MORN1: variants seen among roughly 807,000 people sequenced by gnomAD.
The protein encoded by MORN1 is MORN repeat-containing protein 1.
In MORN1, 67 loss-of-function variants were observed where a neutral mutation model predicts 61.9. The ratio of observed to expected loss-of-function variants is 1.08; its 90% confidence interval spans 0.89 to 1.33. MORN1 has a LOEUF of 1.33. MORN1 is among the 40% of genes most tolerant of loss of function. The probability of loss-of-function intolerance (pLI) is 0.00; values close to 1 mark genes in which losing one functional copy is unlikely to be tolerated. For synonymous variants in MORN1, 301 were observed against 292.0 expected (o/e 1.03, Z -0.31); for missense variants, 752 against 691.2 (o/e 1.09, Z -0.99).
At chr1:2,335,112 C>T (rs921722582) in intron 12 of MORN1, among the ~76,000 whole-genome samples, 13 of 152,234 alleles carry the variant, frequency 8.5e-5, no homozygotes, top group African/African-American at 2.9e-4. Flanking sequence ...TGACTCAGAG[C>T]CGGACAGAGG....
intron 10 of MORN1, among the ~76,000 whole-genome samples, chr1:2,349,778 G>A (rs890932203): frequency 1.3e-5 from 2 of 152,074 alleles, no homozygotes; most frequent in African/African-American, 4.8e-5. Context: ...TTACAATCAC[G>A]ATTGATTCTT....
At chr1:2,354,745 T>A (rs1369246290) in intron 10 of MORN1, among the ~76,000 whole-genome samples, 1 of 152,132 alleles carries the variant, frequency 6.6e-6, no homozygotes, top group East Asian at 1.9e-4. Flanking sequence ...TTGCCCTCCC[T>A]TTATGGATGA....
chr1:2,385,717 A>G (rs1244759995), intron 5 of MORN1, 90 bp downstream of exon 5: 17 of 1,198,960 alleles, frequency 1.4e-5, no homozygotes, highest in Non-Finnish European at 2.0e-5. Flanking sequence ...GTCCCATGGC[A>G]GTCCTGTCTA....
At chr1:2,353,313 A>T (rs1483694633) in intron 10 of MORN1, among the ~76,000 whole-genome samples, 2 of 152,338 alleles carry the variant, frequency 1.3e-5, no homozygotes, top group East Asian at 3.9e-4. Context: ...TTCTTTCAGG[A>T]TGATGGCTAA....
At chr1:2,339,011 C>T (rs969604088) in intron 10 of MORN1, among the ~76,000 whole-genome samples, 2 of 152,168 alleles carry the variant, frequency 1.3e-5, no homozygotes, top group Non-Finnish European at 2.9e-5. Flanking sequence ...AAGCCGGGTT[C>T]CTTGAGCCTG....
At chr1:2,348,493 G>A (rs1274602272) in intron 10 of MORN1, among the ~76,000 whole-genome samples, 1 of 152,158 alleles carries the variant, frequency 6.6e-6, no homozygotes, top group African/African-American at 2.4e-5. Context: ...AGGGAACCCC[G>A]GTTCTTTTCA....
intron 10 of MORN1, among the ~76,000 whole-genome samples, chr1:2,347,516 C>T (rs919499880): frequency 2.6e-5 from 4 of 152,148 alleles, no homozygotes; most frequent in African/African-American, 9.7e-5. Context: ...GCAGAGGCGC[C>T]CCCAGGCCCA....
chr1:2,385,607 G>A (rs910349566), intron 5 of MORN1, 200 bp downstream of exon 5: 1 of 507,700 alleles, frequency 2.0e-6, no homozygotes, highest in Non-Finnish European at 3.5e-6. Flanking sequence ...ATAAACAAGG[G>A]GAAAATTACA....
intron 10 of MORN1, among the ~76,000 whole-genome samples, chr1:2,341,020 C>T (rs1367789597): frequency 1.3e-5 from 2 of 152,264 alleles, no homozygotes; most frequent in East Asian, 1.9e-4. Flanking sequence ...TGCACGTCTC[C>T]ACCCGGCCCC....
chr1:2,365,841 G>A (rs1171954276), intron 8 of MORN1, among the ~76,000 whole-genome samples: 23 of 151,032 alleles, frequency 1.5e-4, no homozygotes, highest in African/African-American at 4.4e-4. Context: ...GTGCTGGAGA[G>A]GATGTGGAGA....
At chr1:2,361,428 C>A (rs1417020283) in intron 8 of MORN1, among the ~76,000 whole-genome samples, 1 of 151,934 alleles carries the variant, frequency 6.6e-6, no homozygotes, top group African/African-American at 2.4e-5. Context: ...TGTGGTGGCA[C>A]GTGTCTGTCA....
rs139370770 is a variant in MORN1 at position 2,351,614 on chromosome 1, G to A, written c.1036+5818C>T. 724 of 294,956 alleles carry A rather than the reference G, an allele frequency of 2.5e-3. 7 individuals carry two copies. Among genetic ancestry groups the A allele is most frequent in the African/African-American group, 0.016 (691 of 44,200 alleles). The allele number at this position is 294,956 out of a possible 1,614,324, so 18.3% of individuals were successfully genotyped here. A position where few individuals can be genotyped will look rare whatever the true frequency, so the allele number is the denominator to read the frequency against. On this transcript the variant is annotated intron_variant, in intron 10 of 13. Transcript: ENST00000378531. Reference sequence around the variant, plus strand: ...TGTAACCAAGCTCTGAGCAATGGCAGTGAGTGTGGCGCCCCCAGCAAGCTT... The same window carrying A: ...TGTAACCAAGCTCTGAGCAATGGCAATGAGTGTGGCGCCCCCAGCAAGCTT...
intron 1 of MORN1, chr1:2,390,440 C>G: frequency 2.0e-6 from 2 of 985,370 alleles, no homozygotes; most frequent in Non-Finnish European, 2.4e-6. Flanking sequence ...CCTCCTATCG[C>G]TGGGGAGAAA....
chr1:2,325,199 C>T (rs1208674323), intron 12 of MORN1, among the ~76,000 whole-genome samples: 1 of 124,216 alleles, frequency 8.1e-6, no homozygotes, highest in African/African-American at 3.6e-5. Context: ...TCACTTCCTT[C>T]TTTTTTTTCT....
intron 6 of MORN1, chr1:2,379,243 C>T (rs1225192335): frequency 4.5e-6 from 2 of 445,152 alleles, no homozygotes; most frequent in Non-Finnish European, 9.3e-6. Context: ...GTAGGAGGTG[C>T]CAAGGGCATG....
rs1641223298 is a variant in MORN1 at position 2,334,466 on chromosome 1, T to C, written c.1250+2003A>G. 6.6e-6 allele frequency among the ~76,000 whole-genome samples: 1 copy of C among 151,994 alleles called. No homozygotes were observed. Among genetic ancestry groups the C allele is most frequent in the Non-Finnish European group, 1.5e-5 (1 of 67,970 alleles). ...ACGGAGAGTTCCCGATGGGAAAGACTCCCCAGGGTTTCCGCACCCAGAAGA... is the reference window on the plus strand; with the variant it reads ...ACGGAGAGTTCCCGATGGGAAAGACCCCCCAGGGTTTCCGCACCCAGAAGA... On this transcript the variant is annotated intron_variant, in intron 12 of 13. Coordinates refer to ENST00000378531, the MANE Select transcript of MORN1 (RefSeq NM_024848.3). The surrounding 1 kb of genome is among the most constrained non-coding windows in gnomAD (Gnocchi z 5.4).
chr1:2,364,081 G>A (rs1231546151), intron 8 of MORN1, among the ~76,000 whole-genome samples: 2 of 152,060 alleles, frequency 1.3e-5, no homozygotes, highest in African/African-American at 2.4e-5. Flanking sequence ...AAAAACATAG[G>A]CAGGTTAAAA....
At chr1:2,340,658 C>T (rs1641375635) in intron 10 of MORN1, among the ~76,000 whole-genome samples, 1 of 152,240 alleles carries the variant, frequency 6.6e-6, no homozygotes, top group African/African-American at 2.4e-5. Flanking sequence ...TTGTCACTCA[C>T]CGGCTCCACG....
chr1:2,380,007 C>T (rs1478356793), intron 6 of MORN1, among the ~76,000 whole-genome samples: 8 of 152,298 alleles, frequency 5.3e-5, no homozygotes, highest in Middle Eastern at 3.4e-3. Context: ...GGCAGAGAAG[C>T]GTGTCTGTCC....
Sources: allele counts gnomAD v4.1 joint callset (sites outside exome capture counted in the v4.1 genomes callset), GRCh38; gene constraint gnomAD v4.1.1; non-coding constraint Gnocchi (gnomAD v3.1); transcripts MANE v1.5; gene names NCBI Gene and HGNC (gene_info 2026-07-23, HGNC 2026-07-21).